The following LTBP2 variants were observed in gnomAD, a reference collection of about 807,000 sequenced individuals.
LTBP2 encodes the protein latent transforming growth factor beta binding protein 2, also known as latent-transforming growth factor beta-binding protein 2.
LTBP2 carries 103 observed loss-of-function variants against 210.6 expected under a neutral mutation model. The observed-to-expected ratio is 0.49, with a 90% CI of 0.42 to 0.58. The LOEUF (loss-of-function observed/expected upper bound fraction) is 0.58, where lower values mean the gene tolerates loss of function less well. LTBP2 is among the 20% of genes least tolerant of loss of function. LTBP2 has a pLI of 0.00. For synonymous variants in LTBP2, 1,007 were observed against 1,015.0 expected (o/e 0.99, Z 0.15); for missense variants, 2,313 against 2,494.5 (o/e 0.93, Z 1.55).
rs1203568005 is a variant in LTBP2 at position 74,526,133 on chromosome 14, A to T, written c.2389-19T>A. Reference sequence around the variant, plus strand: ...TCGTGACCTGCACAGAAACAGGAGAAGGTCACTTTTGGCTCCTCTGCCGTA... The same window carrying T: ...TCGTGACCTGCACAGAAACAGGAGATGGTCACTTTTGGCTCCTCTGCCGTA... On this transcript the variant is annotated intron_variant, in intron 13 of 35. Coordinates refer to ENST00000261978, the MANE Select transcript of LTBP2 (RefSeq NM_000428.3). 6.3e-7 allele frequency: 1 copy of T among 1,592,424 alleles called. No individual in the cohort carries two copies. Among genetic ancestry groups the T allele is most frequent in the South Asian group, 1.1e-5 (1 of 87,748 alleles).
In LTBP2 at chr14:74,509,979, A is replaced by G. The variant is rs73296225; in HGVS notation, c.3151+112T>C. On this transcript the variant is annotated intron_variant, in intron 20 of 35. Transcript: ENST00000261978. ...GCAGGGATGTGTTGGGTCAGTGTGA[A>G]TAGGGATGCAAGGCCAGGGGTGGAT... The G allele has an allele frequency of 0.013, 20,600 of 1,609,788 alleles. 2,004 individuals carry two copies. In the African/African-American group the frequency reaches 0.22, roughly 17 times the overall value.
rs1381646890 is a variant in LTBP2 at position 74,529,092 on chromosome 14, A to G, written c.2018T>C (p.Leu673Pro). Residue 673 changes from leucine to proline, a missense_variant, in exon 11 of 36, where the codon CTG (leucine) becomes CCG (proline). Around this residue, in one of 3 missense-constraint regions of LTBP2, gnomAD observed 1,867 missense variants for 1,976.9 expected, o/e 0.94. Transcript: ENST00000261978. Reference sequence around the variant, plus strand: ...GCCGGGCCCCAGCGACCGGTAGCACAGTCCCTGCAGCATGGAGATTGCCTT... The same window carrying G: ...GCCGGGCCCCAGCGACCGGTAGCACGGTCCCTGCAGCATGGAGATTGCCTT... ...SDKAISMLQG[L>P]CYRSLGPGTC... 5 of 1,553,136 alleles carry G rather than the reference A, an allele frequency of 3.2e-6. 1 individual carries two copies. The South Asian group carries it at 3.6e-5, about 11-fold the overall frequency.
At chr14:74,501,414 A>T (rs752338952) in intron 35 of LTBP2, 27 bp downstream of exon 35, 1 of 1,613,138 alleles carries the variant, frequency 6.2e-7, no homozygotes, top group Non-Finnish European at 8.5e-7. Flanking sequence ...GGCCAGCCTG[A>T]CTCCTCCATC....
chr14:74,512,581 C>G (rs2087085433), intron 18 of LTBP2, among the ~76,000 whole-genome samples: 1 of 152,136 alleles, frequency 6.6e-6, no homozygotes, highest in Non-Finnish European at 1.5e-5. Context: ...GTTTGGCTTC[C>G]AGAAGTCAGG....
chr14:74,552,438 G>A, intron 5 of LTBP2, 45 bp from the exon 6 acceptor site: 1 of 1,552,504 alleles, frequency 6.4e-7, no homozygotes, highest in Non-Finnish European at 8.8e-7. Context: ...AAGAACAGCA[G>A]CACCCGCTCT....
intron 4 of LTBP2, among the ~76,000 whole-genome samples, chr14:74,554,980 G>T (rs1286425593): frequency 2.0e-5 from 3 of 151,786 alleles, no homozygotes; most frequent in African/African-American, 7.3e-5. Context: ...GGAGGGGAGG[G>T]GAGGGGAGGC....
chr14:74,604,013 G>A (rs2088486266), intron 1 of LTBP2, among the ~76,000 whole-genome samples: 1 of 151,902 alleles, frequency 6.6e-6, no homozygotes, highest in African/African-American at 2.4e-5. Flanking sequence ...AGTCCACTGG[G>A]GCAACAATGA....
Position 74,508,045 on chromosome 14 carries a change from T to C in LTBP2, c.3703A>G (p.Asn1235Asp), listed in dbSNP as rs2087013495. The C allele has an allele frequency of 6.2e-7, 1 of 1,613,940 alleles. No homozygotes were observed. Among genetic ancestry groups the C allele is most frequent in the Admixed American group, 1.7e-5 (1 of 60,014 alleles). Residue 1235 changes from asparagine (N) to aspartate (D), a missense_variant, in exon 25 of 36, where the codon AAC becomes GAC. Transcript: ENST00000261978. ...TDPCVGGHCV[N>D]TEGSFNCLCE... ...AGACAGTTGAAGGAGCCCTCGGTGT[T>C]GACACAGTGCCCTCCCACACACGGG...
Position 74,611,458 on chromosome 14 carries a change from G to T in LTBP2, c.487C>A (p.Leu163Ile). The T allele has an allele frequency of 6.7e-7, 1 of 1,491,324 alleles. No individual in the cohort carries two copies. The highest frequency in any genetic ancestry group is 1.4e-5 in the South Asian group (1 of 73,224). 92.4% of individuals were successfully genotyped at this position (1,491,324 alleles called of 1,614,324 possible). A position where few individuals can be genotyped will look rare whatever the true frequency, so the allele number is the denominator to read the frequency against. Reference protein sequence around the residue: ...AAPPTPPRGRLTGRNVCGGQC... With the variant: ...AAPPTPPRGRITGRNVCGGQC... ...TCCCTCTCCCATGCTCACCCCGTGA[G>T]CCGCCCTCGCGGCGGGGTTGGGGGC... Residue 163 changes from leucine (L) to isoleucine (I), a missense_variant, in exon 1 of 36, where the codon CTC becomes ATC. By Grantham distance (5) the Leu-to-Ile change is conservative. Coordinates refer to ENST00000261978, the MANE Select transcript of LTBP2 (RefSeq NM_000428.3).
At chr14:74,522,151 G>T in intron 16 of LTBP2, 112 bp from the exon 17 acceptor site, 1 of 1,293,786 alleles carries the variant, frequency 7.7e-7, no homozygotes, top group Non-Finnish European at 1.1e-6. Flanking sequence ...GTGCTGTGTG[G>T]CAAGGAAGGG....
chr14:74,586,818 G>T lies in LTBP2; in HGVS notation c.566-700C>A, dbSNP rs781510141. 2.6e-4 allele frequency among the ~76,000 whole-genome samples: 40 copies of T among 152,272 alleles called. No homozygotes were observed. The highest frequency in any genetic ancestry group is 4.6e-4 in the Non-Finnish European group (31 of 68,028). ...GGCAGAACTCTCGACTGCGGCCAGA[G>T]AAAGCACGGTGGCCAGAATATAGCT... On this transcript the variant is annotated intron_variant, in intron 2 of 35. Transcript: ENST00000261978. This position sits in a 1 kb window ranked among gnomAD's most constrained non-coding sequence, Gnocchi z 4.6.
intron 3 of LTBP2, among the ~76,000 whole-genome samples, chr14:74,564,672 C>T (rs28526748): frequency 0.015 from 2,229 of 151,858 alleles, 67 homozygotes; most frequent in African/African-American, 0.051. Flanking sequence ...TGTGAGCCAC[C>T]AGGCCCAGCC....
chr14:74,528,458 C>T, intron 12 of LTBP2, 25 bp downstream of exon 12: 5 of 1,610,720 alleles, frequency 3.1e-6, no homozygotes, highest in African/African-American at 1.3e-5. Flanking sequence ...GAAAATCCCT[C>T]AGGCATCTCC....
At chr14:74,588,047 T>G (rs2088232164) in intron 2 of LTBP2, among the ~76,000 whole-genome samples, 1 of 152,216 alleles carries the variant, frequency 6.6e-6, no homozygotes, top group East Asian at 1.9e-4. Context: ...CTTTCCCACT[T>G]GCTCTCCATT....
chr14:74,557,659 G>C lies in LTBP2; in HGVS notation c.831-1966C>G, dbSNP rs917764304. ...TCTCTTGATGTTTATTATTGGGCAG[G>C]CTGTTCTAAAAGGCAGCCTCTGTTG... On this transcript the variant is annotated intron_variant, in intron 3 of 35. Transcript: ENST00000261978. Among the ~76,000 whole-genome samples the C allele has an allele frequency of 2.6e-5, 4 of 152,128 alleles. No homozygotes were observed. The East Asian group carries it at 7.7e-4, about 29-fold the overall frequency.
intron 8 of LTBP2, among the ~76,000 whole-genome samples, chr14:74,544,352 A>G (rs908744167): frequency 6.6e-6 from 1 of 152,216 alleles, no homozygotes; most frequent in African/African-American, 2.4e-5. Context: ...CTGGAGTCAG[A>G]TAGGCCGGGA....
At chr14:74,605,374 G>C (rs1341734458) in intron 1 of LTBP2, among the ~76,000 whole-genome samples, 1 of 152,220 alleles carries the variant, frequency 6.6e-6, no homozygotes, top group Non-Finnish European at 1.5e-5. Flanking sequence ...CCAGCCAAGA[G>C]TTGTGCCACT....
At chr14:74,519,958 C>A (rs2087181191) in intron 17 of LTBP2, among the ~76,000 whole-genome samples, 1 of 152,216 alleles carries the variant, frequency 6.6e-6, no homozygotes, top group African/African-American at 2.4e-5. Flanking sequence ...CTGAGCCCTG[C>A]CCCTTAAGTC....
At chr14:74,598,759 A>C (rs2088405902) in intron 2 of LTBP2, among the ~76,000 whole-genome samples, 1 of 152,198 alleles carries the variant, frequency 6.6e-6, no homozygotes, top group Non-Finnish European at 1.5e-5. Context: ...CTGAGAGCTG[A>C]CATTTAAACC....
Sources: gnomAD v4.1 joint callset for allele counts (sites outside exome capture counted in the v4.1 genomes callset) on GRCh38, gnomAD v4.1.1 for gene constraint, gnomAD v4.1.1 regional missense constraint, Gnocchi (gnomAD v3.1) non-coding constraint, MANE v1.5 for transcripts, NCBI Gene and HGNC (gene_info 2026-07-23, HGNC 2026-07-21) for gene names.